Variants in SIGIRR observed in about 807,000 individuals in gnomAD.
SIGIRR encodes the protein single Ig IL-1-related receptor.
Under a neutral mutation model 45.6 loss-of-function variants are expected in SIGIRR, and 41 were observed. The observed-to-expected ratio is 0.90, with a 90% CI of 0.70 to 1.17. The LOEUF is 1.17. Ranked by LOEUF, SIGIRR falls within the 50% of genes most tolerant of loss-of-function variation. The probability of loss-of-function intolerance (pLI) is 0.00; values close to 1 mark genes in which losing one functional copy is unlikely to be tolerated. For missense variants in SIGIRR, 599 were observed against 539.6 expected (o/e 1.11, Z -1.09); for synonymous variants, 298 against 239.0 (o/e 1.25, Z -2.28).
At chr11:409,009 A>T in intron 2 of SIGIRR, 116 bp from the exon 3 acceptor site, 2 of 912,630 alleles carry the variant, frequency 2.2e-6, no homozygotes, top group Non-Finnish European at 3.5e-6. Flanking sequence ...CAGTCACACC[A>T]TGTCTGTCCA....
intron 8 of SIGIRR, 62 bp from the exon 9 acceptor site, chr11:406,600 C>T: frequency 6.6e-7 from 1 of 1,526,080 alleles, no homozygotes; most frequent in Non-Finnish European, 8.8e-7. Context: ...GGCGTCCTGG[C>T]CCCCAAGAGC....
At chr11:416,478 T>C (rs1475379234), upstream of SIGIRR, among the ~76,000 whole-genome samples, 1 of 152,128 alleles carries the variant, frequency 6.6e-6, no homozygotes, top group Non-Finnish European at 1.5e-5. This position sits in a 1 kb window ranked among gnomAD's most constrained non-coding sequence, Gnocchi z 9.1. Context: ...AGCCTGGCCC[T>C]GGTCGCCTCG....
intron 2 of SIGIRR, 146 bp downstream of exon 2, chr11:409,722 G>T (rs927203022): frequency 1.7e-5 from 15 of 904,042 alleles, no homozygotes; most frequent in Middle Eastern, 2.4e-4. Flanking sequence ...GGGCCCAGTG[G>T]GAGGGGTGAG....
chr11:405,986 C>T lies in SIGIRR; in HGVS notation c.1143G>A (p.Arg381=), dbSNP rs569896087. Residue 381 remains arginine, a synonymous_variant, in exon 10 of 10, where the codon CGG becomes CGA. Transcript: ENST00000431843. ...HTSGVSLGES[R]SSEVDVSDLG... ...GATCCGAGACGTCCACTTCGCTGCTCCGGCTCTCTCCCAGCGAGACCCCAC... is the reference window on the plus strand; with the variant it reads ...GATCCGAGACGTCCACTTCGCTGCTTCGGCTCTCTCCCAGCGAGACCCCAC... 76 of 1,612,116 alleles carry T rather than the reference C, an allele frequency of 4.7e-5. No individual in the cohort carries two copies. Among genetic ancestry groups the T allele is most frequent in the East Asian group, 3.3e-4 (15 of 44,866 alleles).
upstream of SIGIRR, among the ~76,000 whole-genome samples, chr11:415,452 C>T (rs1318668626): frequency 6.6e-6 from 1 of 152,126 alleles, no homozygotes; most frequent in African/African-American, 2.4e-5. The surrounding 1 kb of genome is among the most constrained non-coding windows in gnomAD (Gnocchi z 6.6). Context: ...GGCATGCCTT[C>T]CAGACGCTAC....
Position 407,678 on chromosome 11 carries a change from G to GACTTTA in SIGIRR, c.482-116_482-111dup, listed in dbSNP as rs1334869975. Reference sequence around the variant, plus strand: ...CGTGCACAGGGGCAGACCCGCCCCGGACTTTAACCCCAGCCGGGCCGCACA... The same window carrying GACTTTA: ...CGTGCACAGGGGCAGACCCGCCCCGGACTTTAACTTTAACCCCAGCCGGGCCGCACA... On this transcript the variant is annotated intron_variant, in intron 5 of 9. Coordinates refer to ENST00000431843, the MANE Select transcript of SIGIRR (RefSeq NM_001135054.2). 28 of 1,558,466 alleles carry GACTTTA rather than the reference G, an allele frequency of 1.8e-5. No individual in the cohort carries two copies. In the Middle Eastern group the frequency reaches 5.9e-4, roughly 33 times the overall value.
chr11:409,671 G>A (rs887208864), intron 2 of SIGIRR, 197 bp downstream of exon 2: 1 of 492,980 alleles, frequency 2.0e-6, no homozygotes, highest in Non-Finnish European at 3.4e-6. Context: ...AGGAGAGGGT[G>A]CAGGGCTCAT....
chr11:407,062 C>A lies in SIGIRR; in HGVS notation c.728G>T (p.Arg243Leu). 6.3e-7 allele frequency: 1 copy of A among 1,577,458 alleles called. No individual in the cohort carries two copies. The highest frequency in any genetic ancestry group is 1.4e-5 in the African/African-American group (1 of 72,734). Reference sequence around the variant, plus strand: ...CCACCCAACCCCGCGCGGGACCCACCGGAAGCTGTGGCTGCACCAGGCCCG... The same window carrying A: ...CCACCCAACCCCGCGCGGGACCCACAGGAAGCTGTGGCTGCACCAGGCCCG... Reference protein sequence around the residue: ...LSRAWCSHSFREGLCRLLELT... With the variant: ...LSRAWCSHSFLEGLCRLLELT... The change falls in exon 7 of 10, where the codon CGG (arginine) becomes CTG (leucine). Residue 243 changes from arginine (R) to leucine (L), a missense_variant and splice_region_variant. Physicochemically the swap from Arg to Leu is moderately radical, Grantham distance 102. Coordinates refer to ENST00000431843, the MANE Select transcript of SIGIRR (RefSeq NM_001135054.2).
Position 406,511 on chromosome 11 carries a change from C to G in SIGIRR, c.907G>C (p.Val303Leu). Residue 303 changes from valine to leucine, a missense_variant, in exon 9 of 10, where the codon GTG (valine) becomes CTG (leucine). Coordinates refer to ENST00000431843, the MANE Select transcript of SIGIRR (RefSeq NM_001135054.2). The part of the protein sequence containing the change: ...VTPSSDFWKE[V>L]QLALPRKVQY... ...ACCTTCCGCGGCAGCGCCAGCTGCACTTCTTTCCAAAAATCGGAGGAAGGA... is the reference window on the plus strand; with the variant it reads ...ACCTTCCGCGGCAGCGCCAGCTGCAGTTCTTTCCAAAAATCGGAGGAAGGA... The G allele has an allele frequency of 6.2e-7, 1 of 1,610,100 alleles. No individual in the cohort carries two copies. Among genetic ancestry groups the G allele is most frequent in the South Asian group, 1.1e-5 (1 of 91,034 alleles).
intron 9 of SIGIRR, 50 bp downstream of exon 9, chr11:406,299 C>A (rs368099166): frequency 1.3e-6 from 2 of 1,590,858 alleles, no homozygotes; most frequent in East Asian, 2.3e-5. Flanking sequence ...GCCCCCACTC[C>A]GCCCTGTGCT....
chr11:408,034 G>C, intron 4 of SIGIRR, 39 bp downstream of exon 4: 4 of 1,611,180 alleles, frequency 2.5e-6, no homozygotes, highest in Non-Finnish European at 3.4e-6. Context: ...ACTAGGTCTA[G>C]GTCCCCTTCT....
At position 407,118 on chromosome 11, in the gene SIGIRR, G is replaced by C; in HGVS notation, c.672C>G (p.Leu224=). 1.2e-5 allele frequency: 19 copies of C among 1,534,440 alleles called. No individual in the cohort carries two copies. The Admixed American group carries it at 1.5e-4, about 12-fold the overall frequency. The change falls in exon 7 of 10, where the codon CTC becomes CTG. Residue 224 remains leucine, a synonymous_variant. Transcript: ENST00000431843. Reference sequence around the variant, plus strand: ...GGAAGGCGTCCGAAAGCACCACGATGAGGCGTCGGCAGCGGCTCAGGTTCA... The same window carrying C: ...GGAAGGCGTCCGAAAGCACCACGATCAGGCGTCGGCAGCGGCTCAGGTTCA... The part of the protein sequence containing the change: ...LLVNLSRCRR[L]IVVLSDAFLS...
intron 8 of SIGIRR, 64 bp downstream of exon 8, chr11:406,779 A>C: frequency 6.9e-7 from 1 of 1,450,820 alleles, no homozygotes; most frequent in Non-Finnish European, 9.1e-7. Flanking sequence ...CCCAGCCTGG[A>C]GCCCGGGCAC....
intron 5 of SIGIRR, 106 bp downstream of exon 5, chr11:407,711 C>T: frequency 6.4e-7 from 1 of 1,569,750 alleles, no homozygotes; most frequent in Non-Finnish European, 8.6e-7. Flanking sequence ...ACAGAGCACC[C>T]GGGGGCTAAC....
At chr11:406,644 C>A in intron 8 of SIGIRR, 106 bp from the exon 9 acceptor site, 37 of 1,443,668 alleles carry the variant, frequency 2.6e-5, no homozygotes, top group Non-Finnish European at 3.3e-5. Flanking sequence ...CCACGCCCTG[C>A]GACAGCTATT....
chr11:407,033 G>A (rs771163862), intron 7 of SIGIRR, 29 bp downstream of exon 7: 1 of 1,580,210 alleles, frequency 6.3e-7, no homozygotes, highest in East Asian at 2.3e-5. Flanking sequence ...TGCTACGCTG[G>A]GGCCCACCCA....
chr11:413,029 C>A (rs1286203284), intron 1 of SIGIRR, among the ~76,000 whole-genome samples: 1 of 152,170 alleles, frequency 6.6e-6, no homozygotes, highest in Admixed American at 6.5e-5. Flanking sequence ...CCTCTCCTCA[C>A]TGGATGCCAC....
In SIGIRR at chr11:405,951, C is replaced by G. The variant is rs747910196; in HGVS notation, c.1178G>C (p.Arg393Pro). 7 of 1,609,520 alleles carry G rather than the reference C, an allele frequency of 4.3e-6. No homozygotes were observed. Among genetic ancestry groups the G allele is most frequent in the Non-Finnish European group, 5.9e-6 (7 of 1,178,740 alleles). The change falls in exon 10 of 10, where the codon CGA becomes CCA. Residue 393 changes from arginine to proline, a missense_variant. Coordinates refer to ENST00000431843, the MANE Select transcript of SIGIRR (RefSeq NM_001135054.2). ...GAAGTCTGTGCGGGCACTGTAGTTT[C>G]GCGAGCCGAGATCCGAGACGTCCAC... Reference protein sequence around the residue: ...SEVDVSDLGSRNYSARTDFYC... With the variant: ...SEVDVSDLGSPNYSARTDFYC...
intron 1 of SIGIRR, among the ~76,000 whole-genome samples, chr11:414,162 TCCCTGCACCCTCTCCCCTGCACACCTTC>T (rs2133655341): frequency 2.9e-5 from 1 of 34,988 alleles, no homozygotes; most frequent in Non-Finnish European, 5.4e-5. Context: ...TCCCCACCTT[TCCCTGCACCCTCTCCCCTGCACACCTTC>T]CCCTGCACCC....
Sources: gnomAD v4.1 joint callset for allele counts (sites outside exome capture counted in the v4.1 genomes callset) on GRCh38, gnomAD v4.1.1 for gene constraint, Gnocchi (gnomAD v3.1) non-coding constraint, MANE v1.5 for transcripts, NCBI Gene and HGNC (gene_info 2026-07-23, HGNC 2026-07-21) for gene names.